Variants in DPP6 observed in about 807,000 individuals in gnomAD.
DPP6 encodes A-type potassium channel modulatory protein DPP6.
DPP6 carries 69 observed loss-of-function variants against 122.6 expected under a neutral mutation model. The observed-to-expected ratio is 0.56, with a 90% CI of 0.46 to 0.69. The LOEUF (loss-of-function observed/expected upper bound fraction) is 0.69, where lower values mean the gene tolerates loss of function less well. Ranked by LOEUF, DPP6 falls within the 30% of genes least tolerant of loss-of-function variation. The pLI, the probability that DPP6 is intolerant of heterozygous loss-of-function variation, is 0.00. For missense variants in DPP6, 928 were observed against 1,116.9 expected (o/e 0.83, Z 2.41); for synonymous variants, 418 against 433.1 (o/e 0.97, Z 0.43).
intron 1 of DPP6, among the ~76,000 whole-genome samples, chr7:153,888,145 G>C (rs1319343907): frequency 6.6e-6 from 1 of 152,134 alleles, no homozygotes; most frequent in Non-Finnish European, 1.5e-5. Context: ...CGCCCGCGCC[G>C]GCCTCGGTGC....
intron 3 of DPP6, among the ~76,000 whole-genome samples, chr7:154,512,848 G>A (rs1826196335): frequency 6.6e-6 from 1 of 152,128 alleles, no homozygotes; most frequent in African/African-American, 2.4e-5. Flanking sequence ...GTTCTAGATT[G>A]AGAATTCAGT....
chr7:154,475,034 A>G lies in DPP6; in HGVS notation c.454A>G (p.Ser152Gly). Residue 152 changes from serine (S) to glycine (G), a missense_variant, in exon 3 of 26, where the codon AGT becomes GGT. By Grantham distance (56) the Ser-to-Gly change is moderately conservative (BLOSUM62 0). Transcript: ENST00000377770. Reference sequence around the variant, plus strand: ...TCATGACCCCGAGGCTAAGTGGATAAGTGGTGAGTCCAGGTCCTTCGTGCA... The same window carrying G: ...TCATGACCCCGAGGCTAAGTGGATAGGTGGTGAGTCCAGGTCCTTCGTGCA... Reference protein sequence around the residue: ...KIHDPEAKWISDTEFIYREQK... With the variant: ...KIHDPEAKWIGDTEFIYREQK... The G allele has an allele frequency of 3.1e-6, 5 of 1,612,460 alleles. No individual in the cohort carries two copies. The highest frequency in any genetic ancestry group is 4.2e-6 in the Non-Finnish European group (5 of 1,178,560).
chr7:154,074,917 T>C (rs1379765748), intron 1 of DPP6, among the ~76,000 whole-genome samples: 1 of 151,226 alleles, frequency 6.6e-6, no homozygotes. Flanking sequence ...GACACAGTAC[T>C]ACTATCCAGA....
At chr7:153,845,451 CTAT>C in the DPP6 span, among the ~76,000 whole-genome samples, 3 of 151,780 alleles carry the variant, frequency 2.0e-5, no homozygotes, top group African/African-American at 7.2e-5. Flanking sequence ...TCAGTTTATC[CTAT>C]TATTTTTATT....
At chr7:154,361,983 G>A (rs1811766054) in intron 1 of DPP6, among the ~76,000 whole-genome samples, 1 of 152,226 alleles carries the variant, frequency 6.6e-6, no homozygotes. Flanking sequence ...AAGCCACGTT[G>A]TCTGGTGGTG....
chr7:154,342,518 G>C (rs4455751), intron 1 of DPP6, among the ~76,000 whole-genome samples: 17,033 of 152,188 alleles, frequency 0.11, 1,393 homozygotes, highest in African/African-American at 0.22. Flanking sequence ...GAAGTGGGCT[G>C]TAAGCCCCGG....
Position 154,463,353 on chromosome 7 carries a change from G to A in DPP6, c.359-11586G>A, listed in dbSNP as rs1023099673. ...CTCCCGTGTAGCTGGGACTACAGGC[G>A]CGCGCCACCACGCCCGGCTAATTTT... On this transcript the variant is annotated intron_variant, in intron 2 of 25. Coordinates refer to ENST00000377770, the MANE Select transcript of DPP6 (RefSeq NM_130797.4). Among the ~76,000 whole-genome samples the A allele has an allele frequency of 4.5e-4, 68 of 151,498 alleles. 2 individuals are homozygous for A. Among genetic ancestry groups the A allele is most frequent in the Non-Finnish European group, 2.1e-4 (14 of 67,848 alleles).
intron 1 of DPP6, among the ~76,000 whole-genome samples, chr7:154,158,103 A>G (rs1451829578): frequency 6.7e-6 from 1 of 149,818 alleles, no homozygotes; most frequent in Non-Finnish European, 1.5e-5. Flanking sequence ...CCATACTCCC[A>G]TATAATTATG....
intron 17 of DPP6, among the ~76,000 whole-genome samples, chr7:154,855,083 G>A (rs1352478632): frequency 6.6e-6 from 1 of 152,094 alleles, no homozygotes; most frequent in Non-Finnish European, 1.5e-5. Flanking sequence ...AGCTCCAGGA[G>A]AACTGGAGGC....
intron 1 of DPP6, among the ~76,000 whole-genome samples, chr7:154,186,108 A>G (rs532490423): frequency 6.6e-6 from 1 of 152,312 alleles, no homozygotes; most frequent in South Asian, 2.1e-4. Flanking sequence ...CAGTGAAGTG[A>G]GTGGTTCCTC....
chr7:154,081,578 C>A (rs960675692), intron 1 of DPP6, among the ~76,000 whole-genome samples: 2 of 147,868 alleles, frequency 1.4e-5, no homozygotes, highest in Non-Finnish European at 3.0e-5. Context: ...GTAGGCTGGG[C>A]AATGAAGGCT....
chr7:153,896,001 C>T (rs896712866), intron 1 of DPP6, among the ~76,000 whole-genome samples: 1 of 152,212 alleles, frequency 6.6e-6, no homozygotes, highest in African/African-American at 2.4e-5. Context: ...GCCACAAGGC[C>T]TGTTTTGCAA....
intron 3 of DPP6, among the ~76,000 whole-genome samples, chr7:154,510,092 G>A (rs551742853): frequency 4.6e-5 from 7 of 152,248 alleles, no homozygotes; most frequent in East Asian, 1.9e-4. Context: ...TGTATGGTGC[G>A]AATTCTATCT....
chr7:154,533,236 TGATGTGTC>T (rs1827981416), intron 3 of DPP6, among the ~76,000 whole-genome samples: 1 of 152,226 alleles, frequency 6.6e-6, no homozygotes, highest in Admixed American at 6.5e-5. Flanking sequence ...TTTCTCGTGT[TGATGTGTC>T]TTTTGTTGTA....
chr7:154,779,824 C>G (rs1796916275), intron 10 of DPP6, among the ~76,000 whole-genome samples: 1 of 152,178 alleles, frequency 6.6e-6, no homozygotes, highest in African/African-American at 2.4e-5. Context: ...CCAGTTCCAC[C>G]CCATCCCTGA....
At chr7:154,370,521 A>G (rs1456791198) in intron 1 of DPP6, among the ~76,000 whole-genome samples, 1 of 152,210 alleles carries the variant, frequency 6.6e-6, no homozygotes, top group Admixed American at 6.5e-5. Context: ...TAGTTGATAA[A>G]TGATATTACA....
At chr7:153,980,183 T>A (rs553492180) in intron 1 of DPP6, among the ~76,000 whole-genome samples, 1 of 152,202 alleles carries the variant, frequency 6.6e-6, no homozygotes, top group Admixed American at 6.5e-5. Flanking sequence ...CTGGGCTTTT[T>A]TTTGGTTGGT....
At chr7:154,750,387 C>T (rs1193458449) in intron 8 of DPP6, among the ~76,000 whole-genome samples, 1 of 152,226 alleles carries the variant, frequency 6.6e-6, no homozygotes, top group African/African-American at 2.4e-5. Context: ...CGGAGCAGGC[C>T]GCTTCTCCGT....
At chr7:154,513,202 A>T (rs1310117557) in intron 3 of DPP6, among the ~76,000 whole-genome samples, 1 of 152,160 alleles carries the variant, frequency 6.6e-6, no homozygotes, top group Non-Finnish European at 1.5e-5. Context: ...ATGATTTTCC[A>T]TATCTTCTAT....
Sources: allele counts gnomAD v4.1 joint callset (sites outside exome capture counted in the v4.1 genomes callset), GRCh38; gene constraint gnomAD v4.1.1; transcripts MANE v1.5; gene names NCBI Gene and HGNC (gene_info 2026-07-23, HGNC 2026-07-21).